SNCAIP: variants seen among roughly 807,000 people sequenced by gnomAD.
SNCAIP encodes synphilin-1.
In SNCAIP, 43 loss-of-function variants were observed where a neutral mutation model predicts 86.7. That is an observed-to-expected ratio of 0.50 (90% confidence interval 0.39 to 0.64). The LOEUF (loss-of-function observed/expected upper bound fraction) is 0.64, where lower values mean the gene tolerates loss of function less well. Ranked by LOEUF, SNCAIP falls within the 30% of genes least tolerant of loss-of-function variation. The probability of loss-of-function intolerance (pLI) is 0.00; values close to 1 mark genes in which losing one functional copy is unlikely to be tolerated. For synonymous variants in SNCAIP, 417 were observed against 427.2 expected (o/e 0.98, Z 0.29); for missense variants, 981 against 1,103.1 (o/e 0.89, Z 1.57).
intron 6 of SNCAIP, among the ~76,000 whole-genome samples, chr5:122,440,239 T>C (rs570124729): frequency 7.2e-5 from 11 of 152,348 alleles, no homozygotes; most frequent in African/African-American, 2.2e-4. Context: ...CTACAGGCAG[T>C]ATAACACAGC....
At chr5:122,356,408 A>T (rs1203526791) in intron 1 of SNCAIP, among the ~76,000 whole-genome samples, 1 of 152,036 alleles carries the variant, frequency 6.6e-6, no homozygotes, top group African/African-American at 2.4e-5. Context: ...TGAGCCCCAT[A>T]CCTGGTCATT....
intron 1 of SNCAIP, among the ~76,000 whole-genome samples, chr5:122,334,426 A>C (rs1285897941): frequency 6.6e-6 from 1 of 152,200 alleles, no homozygotes; most frequent in Non-Finnish European, 1.5e-5. Flanking sequence ...TGTGAGTGAC[A>C]ATAAAATAGA....
intron 3 of SNCAIP, among the ~76,000 whole-genome samples, chr5:122,412,152 A>G (rs1028726097): frequency 6.6e-6 from 1 of 151,984 alleles, no homozygotes; most frequent in Non-Finnish European, 1.5e-5. Context: ...CACCTTCAAG[A>G]TCACCTCCTT....
chr5:122,345,802 A>G (rs1758510131), intron 1 of SNCAIP, among the ~76,000 whole-genome samples: 1 of 151,038 alleles, frequency 6.6e-6, no homozygotes, highest in Non-Finnish European at 1.5e-5. Flanking sequence ...CTAGGACTAC[A>G]GATGTGTGCC....
chr5:122,344,719 T>C (rs1758256680), intron 1 of SNCAIP, among the ~76,000 whole-genome samples: 1 of 152,202 alleles, frequency 6.6e-6, no homozygotes, highest in Admixed American at 6.5e-5. Context: ...GAGCTAACAA[T>C]TGAGAGTTTT....
At chr5:122,343,003 A>G (rs1757898338) in intron 1 of SNCAIP, among the ~76,000 whole-genome samples, 1 of 152,208 alleles carries the variant, frequency 6.6e-6, no homozygotes, top group East Asian at 1.9e-4. Context: ...TTCCTCTTAA[A>G]TAAGTGATTA....
At position 122,442,235 on chromosome 5, in the gene SNCAIP, C is replaced by T. The variant is rs189565576; in HGVS notation, c.1422+1481C>T. ...TCCTGGGTGCAAGATAGATGGTATCCAAAACAGAAAACTGAGAGGTGAGAA... is the reference window on the plus strand; with the variant it reads ...TCCTGGGTGCAAGATAGATGGTATCTAAAACAGAAAACTGAGAGGTGAGAA... On this transcript the variant is annotated intron_variant, in intron 7 of 10. Coordinates refer to ENST00000261368, the MANE Select transcript of SNCAIP (RefSeq NM_005460.4). Among the ~76,000 whole-genome samples the T allele has an allele frequency of 1.6e-3, 238 of 149,258 alleles. 5 individuals carry two copies. Among genetic ancestry groups the T allele is most frequent in the Non-Finnish European group, 5.6e-4 (38 of 67,654 alleles).
chr5:122,319,432 T>C (rs1752494201), intron 1 of SNCAIP, among the ~76,000 whole-genome samples: 1 of 152,160 alleles, frequency 6.6e-6, no homozygotes, highest in Non-Finnish European at 1.5e-5. Context: ...ACAGAAAAGC[T>C]TGGTTTTGAG....
intron 5 of SNCAIP, 22 bp from the exon 6 acceptor site, chr5:122,431,947 C>T: frequency 8.6e-7 from 1 of 1,158,606 alleles, no homozygotes; most frequent in Admixed American, 1.7e-5. Context: ...ATTTCCATCT[C>T]CCTTTCTTTT....
chr5:122,449,798 C>A, intron 8 of SNCAIP, 47 bp from the exon 9 acceptor site: 1 of 1,187,904 alleles, frequency 8.4e-7, no homozygotes, highest in Non-Finnish European at 1.3e-6. Context: ...TAATTTATAG[C>A]AGTAACCAGT....
intron 1 of SNCAIP, among the ~76,000 whole-genome samples, chr5:122,385,670 CGTATGTGTGTGTGT>C (rs1767970547): frequency 6.9e-6 from 1 of 144,552 alleles, no homozygotes; most frequent in South Asian, 2.3e-4. Flanking sequence ...CGTGTGCGCA[CGTATGTGTGTGTGT>C]GTGTGTGTGT....
chr5:122,374,938 G>C (rs1037062425), intron 1 of SNCAIP, among the ~76,000 whole-genome samples: 1 of 152,118 alleles, frequency 6.6e-6, no homozygotes, highest in Admixed American at 6.6e-5. Context: ...GCAGTGTTCA[G>C]TTTTTGCACT....
chr5:122,406,581 C>T lies in SNCAIP; in HGVS notation c.130+2716C>T, dbSNP rs148466908. ...TTTCTCATGAATGGTTTAGCGCCAT[C>T]TCCTTGGTACCATCCTTGTGATGGT... On this transcript the variant is annotated intron_variant, in intron 3 of 10. Transcript: ENST00000261368. 2.6e-3 allele frequency among the ~76,000 whole-genome samples: 395 copies of T among 152,240 alleles called. 5 individuals are homozygous for T. The highest frequency in any genetic ancestry group is 9.1e-3 in the African/African-American group (379 of 41,530).
At chr5:122,397,653 T>C (rs1770902843) in intron 2 of SNCAIP, among the ~76,000 whole-genome samples, 1 of 152,162 alleles carries the variant, frequency 6.6e-6, no homozygotes. Context: ...AAGCAGAGTC[T>C]AATAGAGGTA....
chr5:122,352,731 C>T (rs1760128201), intron 1 of SNCAIP, among the ~76,000 whole-genome samples: 1 of 152,072 alleles, frequency 6.6e-6, no homozygotes, highest in Admixed American at 6.6e-5. Context: ...CCATGGATGG[C>T]CAGGTGGGGT....
At chr5:122,343,652 G>A (rs569858135) in intron 1 of SNCAIP, among the ~76,000 whole-genome samples, 6 of 152,278 alleles carry the variant, frequency 3.9e-5, no homozygotes, top group Non-Finnish European at 8.8e-5. Flanking sequence ...AATCGCTATG[G>A]CAGGGTTTCT....
chr5:122,458,654 G>C (rs141110298), intron 10 of SNCAIP, among the ~76,000 whole-genome samples: 1 of 152,166 alleles, frequency 6.6e-6, no homozygotes, highest in Admixed American at 6.5e-5. Flanking sequence ...AGGACAGCGC[G>C]GATGGACAAT....
intron 1 of SNCAIP, chr5:122,370,085 T>C (rs1328955427): frequency 1.3e-5 from 2 of 152,154 alleles, no homozygotes; most frequent in African/African-American, 4.8e-5. Context: ...TTCCCAACAC[T>C]AAGAAAAATT....
At chr5:122,348,741 A>T (rs1265880563) in intron 1 of SNCAIP, among the ~76,000 whole-genome samples, 1 of 152,074 alleles carries the variant, frequency 6.6e-6, no homozygotes, top group Non-Finnish European at 1.5e-5. Context: ...ACAAAAATGG[A>T]TGAGGACATA....
Sources: allele counts gnomAD v4.1 joint callset (sites outside exome capture counted in the v4.1 genomes callset), GRCh38; gene constraint gnomAD v4.1.1; transcripts MANE v1.5; gene names NCBI Gene and HGNC (gene_info 2026-07-23, HGNC 2026-07-21).